The following PHF24 variants were observed in gnomAD, a reference collection of about 807,000 sequenced individuals.
PHF24 encodes the protein PHD finger protein 24, also known as Galpha inhibitory interacting protein.
Under a neutral mutation model 42.6 loss-of-function variants are expected in PHF24, and 25 were observed. That is an observed-to-expected ratio of 0.59 (90% CI 0.43 to 0.82). The LOEUF is 0.82. Ranked by LOEUF, PHF24 falls within the 40% of genes least tolerant of loss-of-function variation. The pLI is 0.00. For synonymous variants in PHF24, 185 were observed against 204.8 expected, an observed-to-expected ratio of 0.90 and a Z score of 0.83; for missense variants, 470 against 538.1, an observed-to-expected ratio of 0.87 and a Z score of 1.25.
the PHF24 span, among the ~76,000 whole-genome samples, chr9:34,938,522 A>G: frequency 6.6e-5 from 10 of 152,236 alleles, no homozygotes; most frequent in Admixed American, 3.3e-4. Flanking sequence ...TTATATCGCC[A>G]GGATTATCTG....
At chr9:34,911,073 C>T in the PHF24 span, among the ~76,000 whole-genome samples, 1 of 152,104 alleles carries the variant, frequency 6.6e-6, no homozygotes, top group Admixed American at 6.5e-5. Flanking sequence ...ATCTTCCCAC[C>T]TTGGCCTCCG....
At chr9:34,809,934 G>A in the PHF24 span, among the ~76,000 whole-genome samples, 1 of 151,244 alleles carries the variant, frequency 6.6e-6, no homozygotes, top group Admixed American at 6.6e-5. The surrounding 1 kb of genome is among the most constrained non-coding windows in gnomAD (Gnocchi z 4.1). Flanking sequence ...TCGGGGCGCG[G>A]GGGCGCGGGG....
the PHF24 span, among the ~76,000 whole-genome samples, chr9:34,859,735 T>C: frequency 6.6e-6 from 1 of 152,184 alleles, no homozygotes; most frequent in Non-Finnish European, 1.5e-5. Context: ...CATAACTATT[T>C]AGGATTAATT....
chr9:34,799,125 T>A, the PHF24 span, among the ~76,000 whole-genome samples: 8 of 151,836 alleles, frequency 5.3e-5, no homozygotes, highest in East Asian at 5.8e-4. Context: ...AGACATACTT[T>A]AAAAAAAAGC....
chr9:34,893,150 T>C, the PHF24 span: 7 of 619,410 alleles, frequency 1.1e-5, no homozygotes, highest in Non-Finnish European at 1.3e-5. Flanking sequence ...AAGCCAGCCC[T>C]GGCTGGGAAG....
At chr9:34,978,370 A>T in exon 8 of PHF24, 1 of 506,388 alleles carries the variant, frequency 2.0e-6, no homozygotes, top group East Asian at 3.3e-5. Flanking sequence ...CATAGACGGG[A>T]CCTGCCACCA....
At chr9:34,875,442 T>G in the PHF24 span, among the ~76,000 whole-genome samples, 47 of 152,146 alleles carry the variant, frequency 3.1e-4, no homozygotes, top group Non-Finnish European at 7.4e-5. Flanking sequence ...CTTTAGAGAT[T>G]TTTTTTATTG....
the PHF24 span, among the ~76,000 whole-genome samples, chr9:34,856,241 C>T: frequency 1.3e-5 from 2 of 152,116 alleles, no homozygotes; most frequent in African/African-American, 4.8e-5. Flanking sequence ...CAGTGAAGTT[C>T]ATCATTACCC....
the PHF24 span, among the ~76,000 whole-genome samples, chr9:34,874,068 T>C: frequency 2.0e-5 from 3 of 152,194 alleles, no homozygotes; most frequent in African/African-American, 7.2e-5. Flanking sequence ...TTTGCTGAAG[T>C]TGCTTATCAG....
chr9:34,721,306 G>A, the PHF24 span, among the ~76,000 whole-genome samples: 1 of 151,204 alleles, frequency 6.6e-6, no homozygotes, highest in Admixed American at 6.6e-5. Flanking sequence ...AGCCATTTTG[G>A]GTTCTAATGC....
the PHF24 span, among the ~76,000 whole-genome samples, chr9:34,920,254 C>T: frequency 6.6e-6 from 1 of 152,074 alleles, no homozygotes; most frequent in African/African-American, 2.4e-5. Flanking sequence ...CCATTTGAAC[C>T]AGAATGAGAT....
chr9:34,813,045 T>C, the PHF24 span, among the ~76,000 whole-genome samples: 1 of 152,254 alleles, frequency 6.6e-6, no homozygotes, highest in African/African-American at 2.4e-5. Context: ...CACATAAAGA[T>C]ACTTTACAGT....
At chr9:34,875,943 C>CTG in the PHF24 span, among the ~76,000 whole-genome samples, 6 of 93,344 alleles carry the variant, frequency 6.4e-5, no homozygotes, top group Non-Finnish European at 1.3e-4. Flanking sequence ...CACACACACA[C>CTG]ACACACACTC....
At chr9:34,831,550 G>T in the PHF24 span, among the ~76,000 whole-genome samples, 5 of 152,244 alleles carry the variant, frequency 3.3e-5, no homozygotes, top group African/African-American at 1.2e-4. Context: ...ACTAAGCTCA[G>T]TGATCCCTCC....
At chr9:34,946,007 G>C in the PHF24 span, among the ~76,000 whole-genome samples, 1 of 152,224 alleles carries the variant, frequency 6.6e-6, no homozygotes, top group African/African-American at 2.4e-5. Context: ...GCTGAGAACA[G>C]TCGATGGAAA....
At chr9:34,728,768 AT>A in the PHF24 span, 1 of 948,440 alleles carries the variant, frequency 1.1e-6, no homozygotes, top group Non-Finnish European at 1.6e-6. Context: ...ATCTATCTGT[AT>A]TTTATACACT....
At chr9:34,671,431 A>G in the PHF24 span, among the ~76,000 whole-genome samples, 1 of 152,232 alleles carries the variant, frequency 6.6e-6, no homozygotes, top group Non-Finnish European at 1.5e-5. Flanking sequence ...AAAGCTGCCC[A>G]GGGCAGATGG....
rs1463830989 is a variant in PHF24, at chr9:34,958,744, C to T, written c.-5+343C>T. 3.3e-5 allele frequency among the ~76,000 whole-genome samples: 5 copies of T among 152,156 alleles called. No homozygotes were observed. The highest frequency in any genetic ancestry group is 9.7e-5 in the African/African-American group (4 of 41,436). The stretch of plus-strand genomic sequence containing the variant: ...GCACAAGGGTGGTCTCTGGAGCTGG[C>T]TCAATGGAAGACCACCTGGGAACAT... On this transcript the variant is annotated intron_variant, in intron 1 of 7. Coordinates refer to ENST00000242315, the Ensembl canonical transcript of PHF24. This position sits in a 1 kb window ranked among gnomAD's most constrained non-coding sequence, Gnocchi z 4.5.
chr9:34,695,792 G>T, the PHF24 span, among the ~76,000 whole-genome samples: 1 of 152,218 alleles, frequency 6.6e-6, no homozygotes, highest in Middle Eastern at 3.2e-3. Flanking sequence ...GGAGTAGAGA[G>T]TAGGGAAACA....
Sources: gnomAD v4.1 joint callset for allele counts (sites outside exome capture counted in the v4.1 genomes callset) on GRCh38, gnomAD v4.1.1 for gene constraint, Gnocchi (gnomAD v3.1) non-coding constraint, MANE v1.5 for transcripts, NCBI Gene and HGNC (gene_info 2026-07-23, HGNC 2026-07-21) for gene names.